RBMS3: variants seen among roughly 807,000 people sequenced by gnomAD.
The protein encoded by RBMS3 is RNA-binding motif, single-stranded-interacting protein 3.
Under a neutral mutation model 66.8 loss-of-function variants are expected in RBMS3, and 27 were observed. The ratio of observed to expected loss-of-function variants is 0.40; its 90% CI spans 0.30 to 0.56. The LOEUF is 0.56. Ranked by LOEUF, RBMS3 falls within the 20% of genes least tolerant of loss-of-function variation. The pLI, the probability that RBMS3 is intolerant of heterozygous loss-of-function variation, is 0.40. For missense variants in RBMS3, 513 were observed against 549.5 expected (o/e 0.93, Z 0.66); for synonymous variants, 188 against 183.0 (o/e 1.03, Z -0.22).
intron 3 of RBMS3, among the ~76,000 whole-genome samples, chr3:29,490,964 T>C (rs1166282837): frequency 6.6e-6 from 1 of 152,100 alleles, no homozygotes; most frequent in Non-Finnish European, 1.5e-5. Flanking sequence ...ATAGATAGAC[T>C]CATAACCGGA....
At chr3:29,345,813 A>G (rs1274321990) in intron 1 of RBMS3, among the ~76,000 whole-genome samples, 1 of 152,198 alleles carries the variant, frequency 6.6e-6, no homozygotes, top group Non-Finnish European at 1.5e-5. Context: ...GCATAATTAA[A>G]ATGATTAATT....
intron 2 of RBMS3, among the ~76,000 whole-genome samples, chr3:29,449,492 A>G (rs2041944194): frequency 6.6e-6 from 1 of 152,250 alleles, no homozygotes; most frequent in South Asian, 2.1e-4. Context: ...CTGCCTATGT[A>G]AACAACCAAA....
intron 4 of RBMS3, among the ~76,000 whole-genome samples, chr3:29,721,811 G>A (rs2053654662): frequency 6.6e-6 from 1 of 152,190 alleles, no homozygotes; most frequent in African/African-American, 2.4e-5. Context: ...GAGAATTTAT[G>A]TGGCTCTTCT....
At chr3:29,879,835 G>A (rs936722955) in intron 7 of RBMS3, among the ~76,000 whole-genome samples, 5 of 151,628 alleles carry the variant, frequency 3.3e-5, no homozygotes, top group African/African-American at 1.2e-4. Flanking sequence ...CATCATTTTG[G>A]CTTTGTTACA....
intron 1 of RBMS3, among the ~76,000 whole-genome samples, chr3:29,305,649 T>C (rs1234464600): frequency 6.6e-6 from 1 of 152,038 alleles, no homozygotes; most frequent in Non-Finnish European, 1.5e-5. Flanking sequence ...ATGGTTATTA[T>C]GCCCACCACA....
chr3:29,847,687 C>T (rs756575878), intron 6 of RBMS3, among the ~76,000 whole-genome samples: 2 of 151,424 alleles, frequency 1.3e-5, no homozygotes, highest in Non-Finnish European at 2.9e-5. Flanking sequence ...ACGGAGTCTC[C>T]CTCTGTCGCC....
At chr3:29,544,549 T>C (rs1341726047) in intron 3 of RBMS3, among the ~76,000 whole-genome samples, 1 of 152,198 alleles carries the variant, frequency 6.6e-6, no homozygotes, top group African/African-American at 2.4e-5. Flanking sequence ...GTCTCAGTGG[T>C]ATTCTCTGGA....
intron 3 of RBMS3, chr3:29,537,781 C>A (rs2045623757): frequency 1.4e-5 from 2 of 146,438 alleles, no homozygotes; most frequent in East Asian, 4.0e-4. Context: ...TGTGACCGCG[C>A]TACTGCACTC....
chr3:29,510,585 T>C (rs1162935450), intron 3 of RBMS3, among the ~76,000 whole-genome samples: 3 of 152,096 alleles, frequency 2.0e-5, no homozygotes, highest in African/African-American at 7.2e-5. Context: ...TTTCAAATCA[T>C]GGAATATTTG....
chr3:29,941,621 C>T (rs917136041), intron 11 of RBMS3, among the ~76,000 whole-genome samples: 22 of 151,626 alleles, frequency 1.5e-4, no homozygotes, highest in African/African-American at 3.9e-4. Context: ...TCTAGTAGTA[C>T]GAGTGTGTAT....
rs144707124 is a variant in RBMS3 at position 29,583,632 on chromosome 3, C to G, written c.308-3482C>G. On this transcript the variant is annotated intron_variant, in intron 3 of 14. Transcript: ENST00000383767. ...AATGGGTGAAGGGGAGGATCCTTGT[C>G]TGGCGAAGGGCAACACTTTCATGAA... 1.6e-3 allele frequency among the ~76,000 whole-genome samples: 249 copies of G among 152,190 alleles called. 1 individual carries two copies. Among genetic ancestry groups the G allele is most frequent in the African/African-American group, 5.9e-3 (243 of 41,528 alleles).
At chr3:29,852,191 A>G (rs189708446) in intron 6 of RBMS3, among the ~76,000 whole-genome samples, 8 of 152,314 alleles carry the variant, frequency 5.3e-5, no homozygotes, top group African/African-American at 1.7e-4. Flanking sequence ...AGATGGATTA[A>G]AGACTTAAAG....
At chr3:29,593,672 T>C (rs965006643) in intron 4 of RBMS3, among the ~76,000 whole-genome samples, 1 of 147,192 alleles carries the variant, frequency 6.8e-6, no homozygotes, top group Non-Finnish European at 1.5e-5. Context: ...GTATCCCATT[T>C]TTCCCCCATG....
intron 5 of RBMS3, among the ~76,000 whole-genome samples, chr3:29,740,436 G>A (rs2054584861): frequency 6.6e-6 from 1 of 151,944 alleles, no homozygotes; most frequent in African/African-American, 2.4e-5. Context: ...GATATTTTAG[G>A]CAGAACAGGG....
chr3:29,916,801 A>T (rs1430645036), intron 10 of RBMS3, among the ~76,000 whole-genome samples: 1 of 152,058 alleles, frequency 6.6e-6, no homozygotes. Context: ...CTTGTTTTAA[A>T]TTTTATTAAT....
At chr3:29,705,287 G>T (rs56334329) in intron 4 of RBMS3, among the ~76,000 whole-genome samples, 45,854 of 152,026 alleles carry the variant, frequency 0.3, 7,515 homozygotes, top group East Asian at 0.44. Context: ...GTATATGAAG[G>T]AAACTCTCCA....
Position 29,522,751 on chromosome 3 carries a change from T to A in RBMS3, c.307+34252T>A, listed in dbSNP as rs557438631. Among the ~76,000 whole-genome samples the A allele has an allele frequency of 2.6e-5, 4 of 152,246 alleles. 1 individual carries two copies. The highest frequency in any genetic ancestry group is 9.6e-5 in the African/African-American group (4 of 41,564). On this transcript the variant is annotated intron_variant, in intron 3 of 14. Transcript: ENST00000383767. ...TCTGCCAATACTACCCATTGGCCAA[T>A]CCTACTGGAATCTAGTTGACAAAGG...
chr3:29,500,845 T>C (rs2043940800), intron 3 of RBMS3, among the ~76,000 whole-genome samples: 1 of 151,852 alleles, frequency 6.6e-6, no homozygotes, highest in Non-Finnish European at 1.5e-5. Context: ...CATCTGTGTG[T>C]GTGTGTGTGT....
At chr3:29,846,161 T>C (rs763885221) in intron 6 of RBMS3, among the ~76,000 whole-genome samples, 2 of 152,114 alleles carry the variant, frequency 1.3e-5, no homozygotes, top group African/African-American at 2.4e-5. Flanking sequence ...TGAAAGATCA[T>C]TCTGACTATG....
Sources: gnomAD v4.1 joint callset for allele counts (sites outside exome capture counted in the v4.1 genomes callset) on GRCh38, gnomAD v4.1.1 for gene constraint, MANE v1.5 for transcripts, NCBI Gene and HGNC (gene_info 2026-07-23, HGNC 2026-07-21) for gene names.